Variants in RBFOX1 observed in about 807,000 individuals in gnomAD.
The protein encoded by RBFOX1 is RNA binding protein fox-1 homolog 1.
RBFOX1 carries 8 observed loss-of-function variants against 57.7 expected under a neutral mutation model. The observed-to-expected ratio is 0.14, with a 90% confidence interval of 0.08 to 0.25. The LOEUF is 0.25. RBFOX1 is among the 10% of genes least tolerant of loss of function. The pLI is 1.00. For missense variants in RBFOX1, 611 were observed against 548.5 expected (o/e 1.11, Z -1.14); for synonymous variants, 326 against 222.4 (o/e 1.47, Z -4.15).
At chr16:7,124,694 C>G (rs930345122) in intron 4 of RBFOX1, among the ~76,000 whole-genome samples, 5 of 151,828 alleles carry the variant, frequency 3.3e-5, no homozygotes, top group Non-Finnish European at 4.4e-5. Context: ...TCGAAAATCT[C>G]CCCACATACA....
chr16:6,568,568 C>T (rs561614080), intron 2 of RBFOX1, among the ~76,000 whole-genome samples: 1 of 152,180 alleles, frequency 6.6e-6, no homozygotes, highest in South Asian at 2.1e-4. Flanking sequence ...GAGGAGATGG[C>T]ACAAAGGCAC....
At chr16:6,263,338 C>T (rs2097713104) in intron 1 of RBFOX1, among the ~76,000 whole-genome samples, 2 of 151,934 alleles carry the variant, frequency 1.3e-5, no homozygotes, top group African/African-American at 2.4e-5. Context: ...AACTGTGGGG[C>T]CGGTGTGGGA....
chr16:5,973,348 C>T (rs2059999349), intron 4 of RBFOX1, among the ~76,000 whole-genome samples: 1 of 152,174 alleles, frequency 6.6e-6, no homozygotes, highest in Non-Finnish European at 1.5e-5. Context: ...ATTCCCTGAC[C>T]ACTCTTCACC....
chr16:7,225,324 G>A (rs139825783), intron 4 of RBFOX1, among the ~76,000 whole-genome samples: 6 of 151,986 alleles, frequency 3.9e-5, no homozygotes, highest in Admixed American at 1.3e-4. Context: ...CGAATCATGG[G>A]GGCTGTTTTC....
At chr16:6,946,100 A>T (rs1376249589) in intron 3 of RBFOX1, among the ~76,000 whole-genome samples, 2 of 152,182 alleles carry the variant, frequency 1.3e-5, no homozygotes, top group African/African-American at 4.8e-5. Flanking sequence ...GTAACTCAGG[A>T]TTTGCTTTAT....
At chr16:7,263,015 C>A (rs1213765495) in intron 4 of RBFOX1, among the ~76,000 whole-genome samples, 1 of 152,222 alleles carries the variant, frequency 6.6e-6, no homozygotes, top group Non-Finnish European at 1.5e-5. Context: ...TTTGTGCAGA[C>A]TTCTGCAGCC....
At chr16:7,175,382 T>C (rs948783201) in intron 4 of RBFOX1, among the ~76,000 whole-genome samples, 1 of 152,172 alleles carries the variant, frequency 6.6e-6, no homozygotes, top group African/African-American at 2.4e-5. Context: ...TACCTATAAT[T>C]TCCTTTCCCT....
chr16:5,780,286 G>A (rs1163857350), intron 3 of RBFOX1, among the ~76,000 whole-genome samples: 1 of 152,204 alleles, frequency 6.6e-6, no homozygotes, highest in East Asian at 1.9e-4. Flanking sequence ...ACAGGCGTGT[G>A]CCATTGCACC....
chr16:7,147,335 T>G (rs921828156), intron 4 of RBFOX1, among the ~76,000 whole-genome samples: 1 of 151,480 alleles, frequency 6.6e-6, no homozygotes, highest in Non-Finnish European at 1.5e-5. Flanking sequence ...AACTTTTATT[T>G]TAGGTTTGAG....
At chr16:7,024,226 G>C (rs965813356) in intron 3 of RBFOX1, among the ~76,000 whole-genome samples, 6 of 152,038 alleles carry the variant, frequency 3.9e-5, no homozygotes, top group African/African-American at 1.4e-4. Flanking sequence ...TACAGCATTG[G>C]CACTCATATC....
At chr16:7,482,355 A>G (rs958649283) in intron 4 of RBFOX1, among the ~76,000 whole-genome samples, 1 of 152,108 alleles carries the variant, frequency 6.6e-6, no homozygotes, top group East Asian at 1.9e-4. Flanking sequence ...AATGAGGCTC[A>G]AAGAGGCTTG....
chr16:6,200,299 C>A (rs886821286), intron 1 of RBFOX1, among the ~76,000 whole-genome samples: 1 of 152,088 alleles, frequency 6.6e-6, no homozygotes, highest in African/African-American at 2.4e-5. Flanking sequence ...TTTCCTCAAG[C>A]CTTTTGTTCA....
At chr16:5,831,131 G>T (rs966934074) in intron 3 of RBFOX1, among the ~76,000 whole-genome samples, 1 of 152,108 alleles carries the variant, frequency 6.6e-6, no homozygotes, top group Admixed American at 6.5e-5. Flanking sequence ...TTGGATCTGC[G>T]TTCCGACCAC....
chr16:6,644,251 C>T (rs2098515604), intron 2 of RBFOX1, among the ~76,000 whole-genome samples: 2 of 152,176 alleles, frequency 1.3e-5, no homozygotes, highest in East Asian at 1.9e-4. Flanking sequence ...GCAATGTAAG[C>T]ATGCATCCAA....
At chr16:5,843,041 C>G (rs980098792) in intron 3 of RBFOX1, among the ~76,000 whole-genome samples, 2 of 152,046 alleles carry the variant, frequency 1.3e-5, no homozygotes, top group African/African-American at 4.8e-5. Flanking sequence ...GTTGGCCAGG[C>G]TGGTCTCGAA....
At chr16:6,348,290 A>G (rs906169073) in intron 2 of RBFOX1, among the ~76,000 whole-genome samples, 8 of 152,116 alleles carry the variant, frequency 5.3e-5, no homozygotes, top group Non-Finnish European at 1.2e-4. Flanking sequence ...CTTCTTGTCT[A>G]TTTGTCTCCT....
chr16:6,993,876 C>T (rs551263333), intron 3 of RBFOX1, among the ~76,000 whole-genome samples: 3 of 152,148 alleles, frequency 2.0e-5, no homozygotes, highest in Non-Finnish European at 4.4e-5. Context: ...CCCCGAACGT[C>T]TCTCAGGGAC....
intron 3 of RBFOX1, among the ~76,000 whole-genome samples, chr16:7,000,073 G>T (rs78773010): frequency 7.4e-6 from 1 of 134,802 alleles, no homozygotes; most frequent in African/African-American, 2.8e-5. Flanking sequence ...CTGTTTCAAA[G>T]AAAAAAAAAA....
At chr16:5,736,881 G>T (rs533261411) in intron 3 of RBFOX1, among the ~76,000 whole-genome samples, 155 of 118,768 alleles carry the variant, frequency 1.3e-3, no homozygotes, top group Middle Eastern at 6.4e-3. Flanking sequence ...CTTCTTCCTT[G>T]TTTCTCGCTC....
Sources: allele counts gnomAD v4.1 joint callset (sites outside exome capture counted in the v4.1 genomes callset), GRCh38; gene constraint gnomAD v4.1.1; transcripts MANE v1.5; gene names NCBI Gene and HGNC (gene_info 2026-07-23, HGNC 2026-07-21).